CAST: variants seen among roughly 807,000 people sequenced by gnomAD.
CAST encodes calpastatin, also known as MIR583 host.
In CAST, 76 loss-of-function variants were observed where a neutral mutation model predicts 119.6. The observed-to-expected ratio is 0.64, with a 90% CI of 0.53 to 0.77. The LOEUF (loss-of-function observed/expected upper bound fraction) is 0.77, where lower values mean the gene tolerates loss of function less well. Ranked by LOEUF, CAST falls within the 30% of genes least tolerant of loss-of-function variation. CAST has a pLI of 0.00. For synonymous variants in CAST, 319 were observed against 331.6 expected (o/e 0.96, Z 0.41); for missense variants, 953 against 946.5 (o/e 1.01, Z -0.09).
At chr5:96,081,191 G>A in the CAST span, among the ~76,000 whole-genome samples, 1 of 152,218 alleles carries the variant, frequency 6.6e-6, no homozygotes, top group African/African-American at 2.4e-5. Flanking sequence ...GAGACTCTCT[G>A]CCTTGTCCTT....
At chr5:96,625,324 G>C (rs1347641757) in intron 1 of CAST, among the ~76,000 whole-genome samples, 2 of 151,784 alleles carry the variant, frequency 1.3e-5, no homozygotes, top group Non-Finnish European at 2.9e-5. Flanking sequence ...CGCACACTTA[G>C]AAAGTAGAAT....
At chr5:96,444,451 G>T in the CAST span, among the ~76,000 whole-genome samples, 2 of 152,168 alleles carry the variant, frequency 1.3e-5, no homozygotes, top group African/African-American at 2.4e-5. Flanking sequence ...TGTACAATCT[G>T]CTGGTTTCTG....
In CAST at chr5:96,695,890, A is replaced by G. The variant is rs1753224536; in HGVS notation, c.193A>G (p.Thr65Ala). 1.9e-6 allele frequency: 3 copies of G among 1,612,350 alleles called. No homozygotes were observed. In the African/African-American group the frequency reaches 4.0e-5, roughly 22 times the overall value. The change falls in exon 3 of 32, where the codon ACA (threonine) becomes GCA (alanine). Residue 65 changes from threonine (T) to alanine (A), a missense_variant. Transcript: ENST00000675179. ...ATCCTCCAGAACCTATGCTGGTGGA[A>G]CAGCCTCGGCCACCAAGGTCAGTGA... ...SQSSRTYAGG[T>A]ASATKVSASS...
At chr5:96,522,685 T>C (rs1745537404), upstream of CAST, among the ~76,000 whole-genome samples, 1 of 152,174 alleles carries the variant, frequency 6.6e-6, no homozygotes, top group African/African-American at 2.4e-5. Context: ...TTTGCAAAAC[T>C]TTCCATTCCA....
chr5:95,983,588 G>C, the CAST span, among the ~76,000 whole-genome samples: 3 of 152,156 alleles, frequency 2.0e-5, no homozygotes, highest in Admixed American at 6.5e-5. Context: ...AATATTGTAT[G>C]TGAATACAGA....
chr5:96,352,748 G>A, the CAST span, among the ~76,000 whole-genome samples: 4 of 152,114 alleles, frequency 2.6e-5, no homozygotes, highest in African/African-American at 9.7e-5. Flanking sequence ...CACATGTCAG[G>A]GGAGGGACCT....
the CAST span, among the ~76,000 whole-genome samples, chr5:96,006,754 G>A: frequency 6.6e-5 from 10 of 152,312 alleles, no homozygotes; most frequent in East Asian, 1.2e-3. Flanking sequence ...CGAATGTACA[G>A]TGCTTGGACA....
chr5:96,549,765 C>T (rs139084220), intron 1 of CAST, among the ~76,000 whole-genome samples: 162 of 152,374 alleles, frequency 1.1e-3, no homozygotes, highest in African/African-American at 3.7e-3. Flanking sequence ...TGGCAGGTCC[C>T]ATACCCATGG....
At chr5:96,261,155 C>A in the CAST span, among the ~76,000 whole-genome samples, 7 of 152,282 alleles carry the variant, frequency 4.6e-5, no homozygotes, top group East Asian at 1.3e-3. Flanking sequence ...TTCTCATCTT[C>A]CTTGTAGCTG....
chr5:96,534,753 G>A lies in CAST; in HGVS notation c.60+4873G>A, dbSNP rs867723321. On this transcript the variant is annotated intron_variant, in intron 1 of 11. Coordinates refer to the CAST transcript ENST00000505143. ...AGAGAGAGAGAGAGAAAGAAAGAAAGAAAGAAAGAAAGAAAGAAAGAAAGA... is the reference window on the plus strand; with the variant it reads ...AGAGAGAGAGAGAGAAAGAAAGAAAAAAAGAAAGAAAGAAAGAAAGAAAGA... Among the ~76,000 whole-genome samples the A allele has an allele frequency of 1.5e-3, 67 of 44,600 alleles. 10 individuals are homozygous for A. Among genetic ancestry groups the A allele is most frequent in the African/African-American group, 5.4e-3 (66 of 12,306 alleles). The allele number at this position is 44,600 out of a possible 152,430, so 29.3% of individuals were successfully genotyped here.
At chr5:96,342,907 T>C in the CAST span, among the ~76,000 whole-genome samples, 1 of 152,184 alleles carries the variant, frequency 6.6e-6, no homozygotes. Flanking sequence ...GTTGATTCCA[T>C]TGCCATTTAA....
At chr5:96,393,337 C>T in the CAST span, 1 of 1,614,126 alleles carries the variant, frequency 6.2e-7, no homozygotes. Context: ...GGCTTTTGGA[C>T]ACCAGGGTGT....
the CAST span, among the ~76,000 whole-genome samples, chr5:96,313,170 C>A: frequency 6.6e-6 from 1 of 152,010 alleles, no homozygotes; most frequent in Non-Finnish European, 1.5e-5. Context: ...TTTTTTCTGT[C>A]TTAGACATAA....
At chr5:96,609,247 T>C (rs1313308165) in intron 1 of CAST, among the ~76,000 whole-genome samples, 1 of 152,248 alleles carries the variant, frequency 6.6e-6, no homozygotes, top group African/African-American at 2.4e-5. Flanking sequence ...CTATTCTGAA[T>C]AAATATCATT....
chr5:96,446,381 T>G, the CAST span, among the ~76,000 whole-genome samples: 5 of 152,180 alleles, frequency 3.3e-5, no homozygotes, highest in Non-Finnish European at 5.9e-5. Flanking sequence ...TGGCCAATTG[T>G]GTCTCTGTAA....
At chr5:96,731,279 G>C (rs1468630552) in intron 9 of CAST, among the ~76,000 whole-genome samples, 1 of 152,174 alleles carries the variant, frequency 6.6e-6, no homozygotes, top group Non-Finnish European at 1.5e-5. Flanking sequence ...ATGGATATGA[G>C]AAGTTTTCAA....
the CAST span, among the ~76,000 whole-genome samples, chr5:96,164,622 C>G: frequency 6.6e-6 from 1 of 152,090 alleles, no homozygotes; most frequent in Non-Finnish European, 1.5e-5. Flanking sequence ...TAGAAGAGAA[C>G]AAGACAGATA....
chr5:96,144,880 C>T, the CAST span, among the ~76,000 whole-genome samples: 1 of 151,970 alleles, frequency 6.6e-6, no homozygotes, highest in Admixed American at 6.6e-5. Context: ...GAGGTTTCAC[C>T]ATGTTTGCCA....
intron 9 of CAST, among the ~76,000 whole-genome samples, chr5:96,732,754 C>G (rs1167546782): frequency 6.6e-6 from 1 of 152,018 alleles, no homozygotes; most frequent in Admixed American, 6.5e-5. Context: ...GAAACTGGAT[C>G]CCTTCCTTAC....
Sources: gnomAD v4.1 joint callset for allele counts (sites outside exome capture counted in the v4.1 genomes callset) on GRCh38, gnomAD v4.1.1 for gene constraint, MANE v1.5 for transcripts, NCBI Gene and HGNC (gene_info 2026-07-23, HGNC 2026-07-21) for gene names.